EYA2: variants seen among roughly 807,000 people sequenced by gnomAD.
The protein encoded by EYA2 is protein phosphatase EYA2.
In EYA2, 31 loss-of-function variants were observed where a neutral mutation model predicts 69.2. The ratio of observed to expected loss-of-function variants is 0.45; its 90% CI spans 0.34 to 0.60. EYA2 has a LOEUF of 0.60. EYA2 is among the 20% of genes least tolerant of loss of function. The pLI, the probability that EYA2 is intolerant of heterozygous loss-of-function variation, is 0.02. For missense variants in EYA2, 622 were observed against 701.2 expected (o/e 0.89, Z 1.28); for synonymous variants, 257 against 279.4 (o/e 0.92, Z 0.80).
chr20:46,956,657 T>C (rs1239519234), intron 1 of EYA2, among the ~76,000 whole-genome samples: 1 of 152,224 alleles, frequency 6.6e-6, no homozygotes, highest in East Asian at 1.9e-4. Context: ...TGGCTGGACC[T>C]AACTGCAAGG....
chr20:46,942,835 G>A (rs745693370), intron 1 of EYA2, among the ~76,000 whole-genome samples: 16 of 152,132 alleles, frequency 1.1e-4, no homozygotes, highest in Non-Finnish European at 1.9e-4. Flanking sequence ...GCACGATCTC[G>A]GCTCACTACA....
rs539353490 is a variant in EYA2, at chr20:47,157,931, C to G, written c.979-11208C>G. Among the ~76,000 whole-genome samples the G allele has an allele frequency of 4.6e-5, 7 of 152,092 alleles. No individual in the cohort carries two copies. In the South Asian group the frequency reaches 8.4e-4, roughly 18 times the overall value. On this transcript the variant is annotated intron_variant, in intron 10 of 15. Transcript: ENST00000327619. ...ATGCTCTCCCACACATTTTATAAGA[C>G]TAACATCACCCTAAAGCTGACACTG...
At chr20:46,983,492 C>A (rs1980972352) in intron 1 of EYA2, among the ~76,000 whole-genome samples, 1 of 152,314 alleles carries the variant, frequency 6.6e-6, no homozygotes, top group Admixed American at 6.5e-5. Flanking sequence ...GGCTCCTCAT[C>A]CTTATTGGCC....
intron 9 of EYA2, among the ~76,000 whole-genome samples, chr20:47,118,003 G>A (rs913240020): frequency 1.3e-5 from 2 of 152,222 alleles, no homozygotes. Context: ...GAAGTTTAAA[G>A]GCCTGGCCAG....
intron 8 of EYA2, among the ~76,000 whole-genome samples, chr20:47,091,867 G>C (rs1337962987): frequency 6.6e-6 from 1 of 152,214 alleles, no homozygotes; most frequent in Non-Finnish European, 1.5e-5. Flanking sequence ...AGAAATCTAG[G>C]AATGCCAGAA....
At chr20:47,126,194 C>T (rs1380447335) in intron 9 of EYA2, among the ~76,000 whole-genome samples, 1 of 152,212 alleles carries the variant, frequency 6.6e-6, no homozygotes, top group African/African-American at 2.4e-5. Flanking sequence ...CGAGGCCAAA[C>T]GCCTCCCCCG....
intron 9 of EYA2, among the ~76,000 whole-genome samples, chr20:47,128,452 T>A (rs900948955): frequency 1.8e-4 from 27 of 152,224 alleles, no homozygotes; most frequent in African/African-American, 4.6e-4. Context: ...CTCCTCACTT[T>A]GGAAGTGTAA....
intron 9 of EYA2, among the ~76,000 whole-genome samples, chr20:47,110,651 G>A (rs1348528735): frequency 6.6e-6 from 1 of 152,228 alleles, no homozygotes; most frequent in African/African-American, 2.4e-5. Flanking sequence ...GACTGGGTCT[G>A]ATGTGTTCAC....
At chr20:47,038,946 C>T (rs946448564) in intron 5 of EYA2, among the ~76,000 whole-genome samples, 4 of 152,174 alleles carry the variant, frequency 2.6e-5, no homozygotes, top group African/African-American at 9.7e-5. Context: ...TTTTTCACAG[C>T]TACTGGGCCT....
chr20:47,089,140 C>G lies in EYA2; in HGVS notation c.662-99C>G, dbSNP rs372381955. On this transcript the variant is annotated intron_variant, in intron 7 of 15. Transcript: ENST00000327619. The stretch of plus-strand genomic sequence containing the variant: ...CTTTGCCTCTGGTGCTGCCTTGGAA[C>G]CCACTGCTTTGGAGCTAGACGGTGC... 11 of 1,421,382 alleles carry G rather than the reference C, an allele frequency of 7.7e-6. No individual in the cohort carries two copies. In the Admixed American group the frequency reaches 2.3e-4, roughly 29 times the overall value. 88.0% of individuals were successfully genotyped at this position (1,421,382 alleles called of 1,614,324 possible). A position where few individuals can be genotyped will look rare whatever the true frequency, so the allele number is the denominator to read the frequency against.
At chr20:47,005,143 C>G (rs1982629502) in intron 4 of EYA2, 59 bp downstream of exon 4, 4 of 1,583,076 alleles carry the variant, frequency 2.5e-6, no homozygotes, top group African/African-American at 2.7e-5. Flanking sequence ...GGTCTTTGTT[C>G]TGCACTATTG....
chr20:47,115,565 A>G (rs1167668297), intron 9 of EYA2, among the ~76,000 whole-genome samples: 1 of 151,526 alleles, frequency 6.6e-6, no homozygotes, highest in African/African-American at 2.4e-5. Flanking sequence ...AACCATCATC[A>G]TTGCTGTGTC....
chr20:47,061,629 A>G (rs750437797), intron 5 of EYA2, among the ~76,000 whole-genome samples: 6 of 152,184 alleles, frequency 3.9e-5, no homozygotes, highest in Non-Finnish European at 8.8e-5. Flanking sequence ...CAGCCAGTCC[A>G]CAAACAGCTG....
chr20:47,103,944 T>TAGGTATATGCCTAGGAGTAGAATTGC (rs2032502773), intron 9 of EYA2, among the ~76,000 whole-genome samples: 1 of 152,256 alleles, frequency 6.6e-6, no homozygotes, highest in Non-Finnish European at 1.5e-5. Context: ...TTAATTCTCT[T>TAGGTATATGCCTAGGAGTAGAATTGC]AGGTATATGC....
In EYA2 at chr20:47,001,435, C is replaced by T. The variant is rs1279826945; in HGVS notation, c.117C>T (p.Thr39=). 2 of 1,614,046 alleles carry T rather than the reference C, an allele frequency of 1.2e-6. No homozygotes were observed. Among genetic ancestry groups the T allele is most frequent in the African/African-American group, 2.7e-5 (2 of 74,916 alleles). ...TTTCTTTTTCTCCTGCAGGCATCAC[C>T]AAATCGGCCCCCCTGAGAGTGTCCC... ...VWTLSDRQGI[T]KSAPLRVSQL... The change falls in exon 3 of 16, where the codon ACC becomes ACT. Residue 39 remains threonine, a synonymous_variant. Transcript: ENST00000327619.
At position 47,156,089 on chromosome 20, in the gene EYA2, T is replaced by TACACACACACACACAC. The variant is rs748282079; in HGVS notation, c.978+12965_978+12980dup. 2.6e-3 allele frequency among the ~76,000 whole-genome samples: 81 copies of TACACACACACACACAC among 30,936 alleles called. 1 individual carries two copies. Among genetic ancestry groups the TACACACACACACACAC allele is most frequent in the Non-Finnish European group, 3.3e-3 (52 of 15,632 alleles). 20.3% of individuals were successfully genotyped at this position (30,936 alleles called of 152,430 possible). ...ACACACACACACACATATATATACA[T>TACACACACACACACAC]ACACACACACACACACACACACACA... is the stretch of plus-strand genomic sequence containing the variant. On this transcript the variant is annotated intron_variant, in intron 10 of 15. Coordinates refer to ENST00000327619, the MANE Select transcript of EYA2 (RefSeq NM_005244.5).
At chr20:47,135,842 C>CAAAAAAAA (rs1266669397) in intron 9 of EYA2, among the ~76,000 whole-genome samples, 3 of 54,026 alleles carry the variant, frequency 5.6e-5, no homozygotes, top group Non-Finnish European at 8.8e-5. Context: ...AAAAAAAAAA[C>CAAAAAAAA]AAACAAACAA....
chr20:47,154,747 C>T (rs2033886877), intron 10 of EYA2, among the ~76,000 whole-genome samples: 1 of 151,760 alleles, frequency 6.6e-6, no homozygotes, highest in Non-Finnish European at 1.5e-5. Context: ...GAGGAAGTCC[C>T]AATGTTCATG....
At chr20:46,989,970 ATAAAT>A (rs1367342546) in intron 1 of EYA2, 26 bp from the exon 2 acceptor site, 1 of 1,121,112 alleles carries the variant, frequency 8.9e-7, no homozygotes, top group Admixed American at 1.7e-5. Flanking sequence ...TAATTAATGA[ATAAAT>A]TATATTTCCC....
Sources: allele counts gnomAD v4.1 joint callset (sites outside exome capture counted in the v4.1 genomes callset), GRCh38; gene constraint gnomAD v4.1.1; transcripts MANE v1.5; gene names NCBI Gene and HGNC (gene_info 2026-07-23, HGNC 2026-07-21).